The following NEDD9 variants were observed in gnomAD, a reference collection of about 807,000 sequenced individuals.
NEDD9 encodes the protein neural precursor cell expressed, developmentally down-regulated 9.
Under a neutral mutation model 76.6 loss-of-function variants are expected in NEDD9, and 26 were observed. The ratio of observed to expected loss-of-function variants is 0.34; its 90% CI spans 0.25 to 0.47. The LOEUF is 0.47. Among genes scored for constraint, NEDD9 ranks in the 20% least tolerant of loss-of-function variants. NEDD9 has a pLI of 1.00. For missense variants in NEDD9, 937 were observed against 1,058.5 expected, an observed-to-expected ratio of 0.89 and a Z score of 1.59; for synonymous variants, 392 against 414.2, an observed-to-expected ratio of 0.95 and a Z score of 0.65.
chr6:11,224,360 G>A (rs1006680585), intron 1 of NEDD9, among the ~76,000 whole-genome samples: 4 of 152,178 alleles, frequency 2.6e-5, no homozygotes, highest in Non-Finnish European at 5.9e-5. Flanking sequence ...CTGTCGGGCT[G>A]CGTTCATTTC....
At position 11,193,669 on chromosome 6, in the gene NEDD9, G is replaced by A. The variant is rs753660875; in HGVS notation, c.483C>T (p.Gly161=). 2 of 1,613,926 alleles carry A rather than the reference G, an allele frequency of 1.2e-6. No individual in the cohort carries two copies. The highest frequency in any genetic ancestry group is 1.7e-6 in the Non-Finnish European group (2 of 1,179,852). ...ATGGGTACTCGTATACGTAGCCATG[G>A]CCTGTCCTCACGGGGGTTATCACCT... ...GKKVITPVRT[G]HGYVYEYPSR... is the part of the protein sequence containing the mutation. Residue 161 remains glycine (G), a synonymous_variant, in exon 3 of 7, where the codon GGC becomes GGT. Coordinates refer to ENST00000379446, the MANE Select transcript of NEDD9 (RefSeq NM_006403.4).
At chr6:11,240,578 TA>T (rs1187214124) in intron 3 of NEDD9, among the ~76,000 whole-genome samples, 12 of 152,216 alleles carry the variant, frequency 7.9e-5, no homozygotes, top group African/African-American at 2.9e-4. Context: ...ACTTGATGTT[TA>T]AAAAACTGTG....
intron 3 of NEDD9, among the ~76,000 whole-genome samples, chr6:11,282,421 T>G (rs954462737): frequency 2.0e-5 from 3 of 152,182 alleles, no homozygotes; most frequent in African/African-American, 7.2e-5. Flanking sequence ...CAGACAGTGA[T>G]GACCACAAAC....
At chr6:11,258,174 A>C in intron 3 of NEDD9, among the ~76,000 whole-genome samples, 1 of 152,216 alleles carries the variant, frequency 6.6e-6, no homozygotes, top group East Asian at 1.9e-4. Context: ...TAGCATACTT[A>C]AGAGTTGATT....
intron 1 of NEDD9, among the ~76,000 whole-genome samples, chr6:11,350,374 G>A (rs1028793258): frequency 2.0e-5 from 3 of 152,214 alleles, no homozygotes; most frequent in Non-Finnish European, 4.4e-5. Context: ...CAGGGCCAAA[G>A]ATGCTACCAC....
chr6:11,346,477 G>GT (rs138596341), intron 1 of NEDD9, among the ~76,000 whole-genome samples: 3 of 145,048 alleles, frequency 2.1e-5, no homozygotes, highest in Non-Finnish European at 4.6e-5. Context: ...AGGCTCGGAG[G>GT]CCCCCCCCCC....
intron 1 of NEDD9, among the ~76,000 whole-genome samples, chr6:11,379,140 T>G (rs1763017513): frequency 6.6e-6 from 1 of 152,198 alleles, no homozygotes. Context: ...AGGCAGGCCC[T>G]GGGTGGAAGG....
At chr6:11,346,306 T>C (rs1460398480) in intron 1 of NEDD9, among the ~76,000 whole-genome samples, 1 of 152,220 alleles carries the variant, frequency 6.6e-6, no homozygotes, top group Admixed American at 6.5e-5. Flanking sequence ...ATTCAGTACA[T>C]TCTCCCAGTC....
chr6:11,188,616 C>T (rs1758042140), intron 5 of NEDD9, among the ~76,000 whole-genome samples: 1 of 152,144 alleles, frequency 6.6e-6, no homozygotes. Context: ...ATATGTGAAC[C>T]TGTAAACCCC....
intron 3 of NEDD9, among the ~76,000 whole-genome samples, chr6:11,265,052 A>G (rs1760179127): frequency 6.6e-6 from 1 of 152,208 alleles, no homozygotes; most frequent in Admixed American, 6.5e-5. Context: ...TTAAGAACTA[A>G]TATCTCTAGC....
At chr6:11,364,980 G>A (rs1013946125) in intron 1 of NEDD9, among the ~76,000 whole-genome samples, 1 of 152,104 alleles carries the variant, frequency 6.6e-6, no homozygotes, top group Non-Finnish European at 1.5e-5. Flanking sequence ...GGGTAAGAGC[G>A]GTGAGGGTCA....
chr6:11,341,506 T>A (rs562832536), intron 1 of NEDD9, among the ~76,000 whole-genome samples: 1 of 152,342 alleles, frequency 6.6e-6, no homozygotes, highest in African/African-American at 2.4e-5. Context: ...GCTTGCCAGA[T>A]GTCAGCTGCT....
chr6:11,196,455 T>C (rs574466524), intron 2 of NEDD9, among the ~76,000 whole-genome samples: 2 of 152,294 alleles, frequency 1.3e-5, no homozygotes, highest in South Asian at 4.1e-4. Context: ...CTAAAGTGTT[T>C]CCTTGCCTTT....
intron 3 of NEDD9, among the ~76,000 whole-genome samples, chr6:11,266,028 T>G (rs1760194363): frequency 6.6e-6 from 1 of 150,966 alleles, no homozygotes; most frequent in Non-Finnish European, 1.5e-5. Flanking sequence ...CAATGGAGAC[T>G]TGGAAGGGAG....
intron 1 of NEDD9, among the ~76,000 whole-genome samples, chr6:11,227,697 A>G (rs1231366852): frequency 6.6e-6 from 1 of 152,216 alleles, no homozygotes; most frequent in African/African-American, 2.4e-5. Context: ...GGGTTTACTT[A>G]AAACTAAACA....
Position 11,237,921 on chromosome 6 carries a change from T to C in NEDD9, c.13-24194A>G, listed in dbSNP as rs1158011629. ...CAAGCCCAGTCCTAAAAAGGAACCATTCTAGGGCCATGTTTTATCATTTCT... is the reference window on the plus strand; with the variant it reads ...CAAGCCCAGTCCTAAAAAGGAACCACTCTAGGGCCATGTTTTATCATTTCT... On this transcript the variant is annotated intron_variant, in intron 3 of 3. Coordinates refer to the NEDD9 transcript ENST00000397378. The surrounding 1 kb of genome is among the most constrained non-coding windows in gnomAD (Gnocchi z 4.9). Among the ~76,000 whole-genome samples, 1 of 152,214 alleles carries C rather than the reference T, an allele frequency of 6.6e-6. No homozygotes were observed. The highest frequency in any genetic ancestry group is 1.5e-5 in the Non-Finnish European group (1 of 68,032).
At chr6:11,320,888 G>A (rs978338496) in intron 2 of NEDD9, among the ~76,000 whole-genome samples, 1 of 151,910 alleles carries the variant, frequency 6.6e-6, no homozygotes, top group Non-Finnish European at 1.5e-5. Context: ...CATCAAATCA[G>A]TACCAATGGT....
At chr6:11,344,169 C>T (rs1315573462) in intron 1 of NEDD9, among the ~76,000 whole-genome samples, 1 of 152,168 alleles carries the variant, frequency 6.6e-6, no homozygotes, top group Non-Finnish European at 1.5e-5. Context: ...GGGTTGCATA[C>T]ATCTCTGGCT....
rs182435677 is a variant in NEDD9 at position 11,338,095 on chromosome 6, C to G, written c.-213-3534G>C. Among the ~76,000 whole-genome samples, 651 of 152,274 alleles carry G rather than the reference C, an allele frequency of 4.3e-3. 2 individuals are homozygous for G. The highest frequency in any genetic ancestry group is 0.015 in the African/African-American group (619 of 41,546). On this transcript the variant is annotated intron_variant, in intron 1 of 3. Transcript: ENST00000397378. Reference sequence around the variant, plus strand: ...CCTAAGCCCCAGTGCCTCAGAATGTCATCTTATCTGGAAATAGGGTTGTTG... The same window carrying G: ...CCTAAGCCCCAGTGCCTCAGAATGTGATCTTATCTGGAAATAGGGTTGTTG...
Sources: gnomAD v4.1 joint callset for allele counts (sites outside exome capture counted in the v4.1 genomes callset) on GRCh38, gnomAD v4.1.1 for gene constraint, Gnocchi (gnomAD v3.1) non-coding constraint, MANE v1.5 for transcripts, NCBI Gene and HGNC (gene_info 2026-07-23, HGNC 2026-07-21) for gene names.